The following ZSCAN25 variants were observed in gnomAD, a reference collection of about 807,000 sequenced individuals.
ZSCAN25 encodes zinc finger and SCAN domain containing 25.
ZSCAN25 carries 27 observed loss-of-function variants against 38.7 expected under a neutral mutation model. That is an observed-to-expected ratio of 0.70 (90% confidence interval 0.51 to 0.96). ZSCAN25 has a LOEUF of 0.96. Among genes scored for constraint, ZSCAN25 ranks in the 40% least tolerant of loss-of-function variants. The pLI is 0.00. For synonymous variants in ZSCAN25, 273 were observed against 277.7 expected (o/e 0.98, Z 0.17); for missense variants, 637 against 705.9 (o/e 0.90, Z 1.11).
chr7:99,728,983 T>C, the ZSCAN25 span, among the ~76,000 whole-genome samples: 1 of 152,204 alleles, frequency 6.6e-6, no homozygotes, highest in Non-Finnish European at 1.5e-5. Context: ...GAGTACTCTA[T>C]ATTTTTAAAT....
At chr7:99,635,972 G>A (rs1171397530), downstream of ZSCAN25, among the ~76,000 whole-genome samples, 1 of 150,692 alleles carries the variant, frequency 6.6e-6, no homozygotes, top group Admixed American at 6.6e-5. Flanking sequence ...GCGTGAACCC[G>A]GGAGGCAGAG....
chr7:99,717,100 C>G, the ZSCAN25 span: 5 of 1,590,484 alleles, frequency 3.1e-6, no homozygotes, highest in African/African-American at 6.7e-5. Context: ...AACCCAACAG[C>G]GGGAGTATCA....
At chr7:99,716,570 A>G in the ZSCAN25 span, among the ~76,000 whole-genome samples, 1 of 152,198 alleles carries the variant, frequency 6.6e-6, no homozygotes, top group Non-Finnish European at 1.5e-5. Context: ...GAGTGACCAC[A>G]TATCCCCTGT....
At chr7:99,726,003 T>C in the ZSCAN25 span, among the ~76,000 whole-genome samples, 1 of 152,146 alleles carries the variant, frequency 6.6e-6, no homozygotes, top group South Asian at 2.1e-4. Context: ...TTTTTAGTTA[T>C]CCCCACCTGC....
At chr7:99,638,767 G>A in the ZSCAN25 span, 3 of 1,026,896 alleles carry the variant, frequency 2.9e-6, no homozygotes, top group African/African-American at 3.1e-5. Flanking sequence ...TTTCCCCATC[G>A]CGTCAGAGAA....
At chr7:99,712,974 A>G in the ZSCAN25 span, among the ~76,000 whole-genome samples, 1 of 152,222 alleles carries the variant, frequency 6.6e-6, no homozygotes, top group South Asian at 2.1e-4. Context: ...TTCATAGTTG[A>G]TTAACCTGGT....
At chr7:99,668,711 AT>A in the ZSCAN25 span, among the ~76,000 whole-genome samples, 2 of 152,254 alleles carry the variant, frequency 1.3e-5, no homozygotes, top group Non-Finnish European at 2.9e-5. Flanking sequence ...CGTGAAGTGA[AT>A]TGTGACAAAG....
chr7:99,735,089 T>C, the ZSCAN25 span: 1 of 1,614,036 alleles, frequency 6.2e-7, no homozygotes, highest in East Asian at 2.2e-5. Context: ...TGGGATGAGA[T>C]CCATCACTAC....
the ZSCAN25 span, chr7:99,666,726 T>C: frequency 8.7e-6 from 14 of 1,613,914 alleles, no homozygotes; most frequent in Non-Finnish European, 1.2e-5. Context: ...TAGTTAAATG[T>C]GCAGACTCAA....
the ZSCAN25 span, among the ~76,000 whole-genome samples, chr7:99,691,007 G>A: frequency 1.1e-4 from 17 of 152,062 alleles, no homozygotes; most frequent in African/African-American, 2.4e-4. Context: ...TGTTTATTGT[G>A]GCACTATTCA....
At chr7:99,731,199 G>A in the ZSCAN25 span, 1 of 1,608,170 alleles carries the variant, frequency 6.2e-7, no homozygotes, top group Non-Finnish European at 8.5e-7. Flanking sequence ...TGACTTTATA[G>A]ATATAGGGGC....
the ZSCAN25 span, chr7:99,667,037 C>T: frequency 1.9e-6 from 3 of 1,614,108 alleles, no homozygotes; most frequent in Non-Finnish European, 2.5e-6. Context: ...AGAGATGGCA[C>T]TTTTCATAAA....
the ZSCAN25 span, among the ~76,000 whole-genome samples, chr7:99,681,732 A>G: frequency 6.6e-6 from 1 of 152,148 alleles, no homozygotes; most frequent in Admixed American, 6.5e-5. Context: ...TGTGACTTTG[A>G]AAATATTTTC....
Position 99,630,316 on chromosome 7 carries a change from A to C in ZSCAN25, c.*296A>C. On this transcript the variant is annotated 3_prime_UTR_variant, in exon 8 of 8. Transcript: ENST00000394152. ...GACTGTCTGTGTCCCCCTGCCGAAC[A>C]AAGCTGGGAGTAAAGGCAAAACCTT... 8.4e-7 allele frequency: 1 copy of C among 1,185,702 alleles called. No individual in the cohort carries two copies. Among genetic ancestry groups the C allele is most frequent in the Non-Finnish European group, 1.0e-6 (1 of 955,446 alleles). The allele number at this position is 1,185,702 out of a possible 1,614,324, so 73.4% of individuals were successfully genotyped here.
the ZSCAN25 span, chr7:99,666,606 C>A: frequency 6.2e-7 from 1 of 1,613,774 alleles, no homozygotes; most frequent in Non-Finnish European, 8.5e-7. Flanking sequence ...CTTACTCTTT[C>A]AAGGTGACAG....
At chr7:99,712,274 A>G in the ZSCAN25 span, among the ~76,000 whole-genome samples, 11 of 152,266 alleles carry the variant, frequency 7.2e-5, no homozygotes, top group East Asian at 1.5e-3. Context: ...ACCAGTGAAG[A>G]TTTCTGTGAT....
At chr7:99,715,996 AAGAC>A in the ZSCAN25 span, 2 of 1,609,178 alleles carry the variant, frequency 1.2e-6, no homozygotes, top group South Asian at 1.1e-5. Context: ...ATGTCCAGTC[AAGAC>A]AGACAAACAG....
At chr7:99,714,528 C>T in the ZSCAN25 span, 1 of 1,610,740 alleles carries the variant, frequency 6.2e-7, no homozygotes, top group East Asian at 2.2e-5. Context: ...AACTAAACAT[C>T]CTCCTATAAC....
At chr7:99,651,173 T>TAA in the ZSCAN25 span, among the ~76,000 whole-genome samples, 1 of 152,166 alleles carries the variant, frequency 6.6e-6, no homozygotes, top group Admixed American at 6.5e-5. Flanking sequence ...GAACCAGTGA[T>TAA]AGATATATGG....
Sources: gnomAD v4.1 joint callset for allele counts (sites outside exome capture counted in the v4.1 genomes callset) on GRCh38, gnomAD v4.1.1 for gene constraint, MANE v1.5 for transcripts, NCBI Gene and HGNC (gene_info 2026-07-23, HGNC 2026-07-21) for gene names.